ADGRD1: variants seen among roughly 807,000 people sequenced by gnomAD.
ADGRD1 encodes the protein adhesion G protein-coupled receptor D1, also known as G-protein coupled receptor 133.
Under a neutral mutation model 113.4 loss-of-function variants are expected in ADGRD1, and 77 were observed. The observed-to-expected ratio is 0.68, with a 90% CI of 0.57 to 0.82. ADGRD1 has a LOEUF of 0.82. ADGRD1 is among the 40% of genes least tolerant of loss of function. The pLI is 0.00. For synonymous variants in ADGRD1, 474 were observed against 475.0 expected (o/e 1.00, Z 0.03); for missense variants, 1,036 against 1,139.1 (o/e 0.91, Z 1.30).
intron 21 of ADGRD1, among the ~76,000 whole-genome samples, chr12:131,135,478 T>C (rs1951051314): frequency 6.6e-6 from 1 of 152,116 alleles, no homozygotes. Context: ...AGATGACCAC[T>C]TGGCCCTGCC....
At chr12:131,111,932 G>A (rs1191029074) in intron 18 of ADGRD1, among the ~76,000 whole-genome samples, 3 of 151,900 alleles carry the variant, frequency 2.0e-5, no homozygotes, top group African/African-American at 7.3e-5. Flanking sequence ...TACGACAACT[G>A]AGCCTTCTCA....
chr12:131,100,874 T>G (rs1307449275), intron 15 of ADGRD1, among the ~76,000 whole-genome samples: 1 of 152,252 alleles, frequency 6.6e-6, no homozygotes, highest in Non-Finnish European at 1.5e-5. Context: ...ATTTTCTCAA[T>G]TTAAAAGATA....
At chr12:131,054,268 T>C (rs1883656887) in intron 13 of ADGRD1, among the ~76,000 whole-genome samples, 3 of 152,242 alleles carry the variant, frequency 2.0e-5, no homozygotes, top group Admixed American at 2.0e-4. Flanking sequence ...TTGTAATCCC[T>C]GTCCCCTCCC....
At chr12:131,115,367 G>A (rs1306372402) in intron 18 of ADGRD1, among the ~76,000 whole-genome samples, 2 of 152,148 alleles carry the variant, frequency 1.3e-5, no homozygotes, top group African/African-American at 4.8e-5. Context: ...CAGCCCCGTG[G>A]CCTCAAGAGC....
chr12:131,016,651 G>A (rs986807495), intron 13 of ADGRD1, among the ~76,000 whole-genome samples: 2 of 152,232 alleles, frequency 1.3e-5, no homozygotes, highest in Non-Finnish European at 2.9e-5. Flanking sequence ...CCAGCACTTC[G>A]GGAGGCCAAG....
intron 13 of ADGRD1, among the ~76,000 whole-genome samples, chr12:131,015,163 G>T (rs373319908): frequency 2.0e-5 from 3 of 152,392 alleles, no homozygotes; most frequent in Middle Eastern, 6.8e-3. Flanking sequence ...GACTCTGTGC[G>T]CATACCTGGG....
chr12:131,126,514 A>G (rs1037880955), intron 20 of ADGRD1, among the ~76,000 whole-genome samples: 20 of 152,194 alleles, frequency 1.3e-4, no homozygotes, highest in Admixed American at 6.5e-4. Flanking sequence ...ATGTACCTGT[A>G]TAGCCCTTTC....
intron 11 of ADGRD1, 77 bp from the exon 12 acceptor site, chr12:131,005,895 C>A: frequency 9.1e-7 from 1 of 1,100,242 alleles, no homozygotes; most frequent in Admixed American, 1.7e-5. Flanking sequence ...CCATGCATGG[C>A]GGGGCGTGGG....
chr12:131,085,026 G>T (rs1047828102), intron 15 of ADGRD1, among the ~76,000 whole-genome samples: 1 of 152,198 alleles, frequency 6.6e-6, no homozygotes, highest in Non-Finnish European at 1.5e-5. Context: ...TGGGGGCTCC[G>T]CTGTAAACAA....
chr12:130,984,517 A>G lies in ADGRD1; in HGVS notation c.490+2454A>G, dbSNP rs1288556896. Among the ~76,000 whole-genome samples, 1 of 152,142 alleles carries G rather than the reference A, an allele frequency of 6.6e-6. No homozygotes were observed. Among genetic ancestry groups the G allele is most frequent in the Non-Finnish European group, 1.5e-5 (1 of 68,024 alleles). ...TTAGATTCACAGAAAAATTGAGTGCAAAGTTCAGAGAATTCCCATTACCCT... is the reference window on the plus strand; with the variant it reads ...TTAGATTCACAGAAAAATTGAGTGCGAAGTTCAGAGAATTCCCATTACCCT... On this transcript the variant is annotated intron_variant, in intron 5 of 24. Transcript: ENST00000261654. The surrounding 1 kb of genome is among the most constrained non-coding windows in gnomAD (Gnocchi z 4.1).
chr12:130,956,795 C>T (rs1282804247), intron 2 of ADGRD1: 3 of 42,822 alleles, frequency 7.0e-5, no homozygotes, highest in Non-Finnish European at 1.0e-4. Context: ...GTCCACATGC[C>T]CCCCCATGCT....
chr12:131,017,008 C>T (rs1484452495), intron 13 of ADGRD1, among the ~76,000 whole-genome samples: 3 of 152,042 alleles, frequency 2.0e-5, no homozygotes, highest in East Asian at 1.9e-4. Context: ...GAAGCACAGC[C>T]GACCACAGGG....
chr12:131,032,816 GC>G (rs1880937540), intron 13 of ADGRD1, among the ~76,000 whole-genome samples: 1 of 30,558 alleles, frequency 3.3e-5, no homozygotes. Flanking sequence ...TAGAGAAATC[GC>G]CACCCCGTCA....
In ADGRD1 at chr12:131,139,328, C is replaced by T. The variant is rs1398466507; in HGVS notation, c.*65C>T. ...ACACCCCCCCAAACAGAATGAAATG[C>T]CCCACCTTTGCCCATGGACCCTCTC... On this transcript the variant is annotated 3_prime_UTR_variant, in exon 25 of 25. Coordinates refer to ENST00000261654, the MANE Select transcript of ADGRD1 (RefSeq NM_198827.5). 1.7e-6 allele frequency: 2 copies of T among 1,150,970 alleles called. No individual in the cohort carries two copies. Among genetic ancestry groups the T allele is most frequent in the Non-Finnish European group, 2.5e-6 (2 of 787,440 alleles). 71.3% of individuals were successfully genotyped at this position (1,150,970 alleles called of 1,614,324 possible).
chr12:131,137,282 G>A (rs1951110741), intron 23 of ADGRD1, among the ~76,000 whole-genome samples: 1 of 152,246 alleles, frequency 6.6e-6, no homozygotes, highest in African/African-American at 2.4e-5. Flanking sequence ...ATGTAGGCGT[G>A]CTCCCCACAG....
At chr12:130,996,954 T>C (rs12811984) in intron 8 of ADGRD1, among the ~76,000 whole-genome samples, 48,373 of 100,376 alleles carry the variant, frequency 0.48, 11,318 homozygotes, top group African/African-American at 0.56. Flanking sequence ...GCTGGCCGGG[T>C]GGGGGGCTGA....
intron 13 of ADGRD1, among the ~76,000 whole-genome samples, chr12:131,064,294 G>T (rs1237537900): frequency 6.6e-6 from 1 of 152,100 alleles, no homozygotes; most frequent in East Asian, 1.9e-4. Context: ...TTAGCTCTAG[G>T]TTTTTTATAG....
intron 20 of ADGRD1, among the ~76,000 whole-genome samples, chr12:131,127,905 T>C (rs1471796220): frequency 2.0e-4 from 14 of 70,700 alleles, no homozygotes; most frequent in Admixed American, 2.5e-4. Context: ...AGGTGGGGTG[T>C]TGGTTGGGTT....
At chr12:131,125,495 T>C (rs1950719048) in intron 20 of ADGRD1, among the ~76,000 whole-genome samples, 1 of 152,132 alleles carries the variant, frequency 6.6e-6, no homozygotes, top group African/African-American at 2.4e-5. Flanking sequence ...GACAGAGATA[T>C]GGTTACAGAT....
Sources: gnomAD v4.1 joint callset for allele counts (sites outside exome capture counted in the v4.1 genomes callset) on GRCh38, gnomAD v4.1.1 for gene constraint, Gnocchi (gnomAD v3.1) non-coding constraint, MANE v1.5 for transcripts, NCBI Gene and HGNC (gene_info 2026-07-23, HGNC 2026-07-21) for gene names.